Variants in PRKN observed in about 807,000 individuals in gnomAD.
PRKN encodes the protein parkin RBR E3 ubiquitin protein ligase, also known as E3 ubiquitin-protein ligase parkin.
PRKN carries 56 observed loss-of-function variants against 59.5 expected under a neutral mutation model. The ratio of observed to expected loss-of-function variants is 0.94; its 90% CI spans 0.76 to 1.18. The LOEUF is 1.18. Among genes scored for constraint, PRKN ranks in the 50% most tolerant of loss-of-function variants. The pLI is 0.00. For missense variants in PRKN, 657 were observed against 596.4 expected (o/e 1.10, Z -1.06); for synonymous variants, 250 against 222.1 (o/e 1.13, Z -1.12).
intron 4 of PRKN, among the ~76,000 whole-genome samples, chr6:162,181,910 T>G (rs1783819020): frequency 6.6e-6 from 1 of 152,148 alleles, no homozygotes; most frequent in African/African-American, 2.4e-5. Flanking sequence ...GAAGAGGAAC[T>G]TGGTTACCTT....
chr6:161,804,107 T>C (rs1480553413), intron 6 of PRKN, among the ~76,000 whole-genome samples: 1 of 152,186 alleles, frequency 6.6e-6, no homozygotes, highest in Non-Finnish European at 1.5e-5. Context: ...CAGGTTTCAA[T>C]GTCAATGAAG....
At chr6:162,547,698 A>G (rs2128202360) in intron 1 of PRKN, among the ~76,000 whole-genome samples, 1 of 152,224 alleles carries the variant, frequency 6.6e-6, no homozygotes, top group South Asian at 2.1e-4. Context: ...CTCCTGCCTC[A>G]GCCTCCCAAG....
chr6:162,595,147 CT>C (rs1431359230), intron 1 of PRKN, among the ~76,000 whole-genome samples: 5 of 152,162 alleles, frequency 3.3e-5, no homozygotes, highest in African/African-American at 9.7e-5. Context: ...GCACTCCAGC[CT>C]GGGTAACAGA....
chr6:161,412,869 C>T (rs1787652871), intron 9 of PRKN, among the ~76,000 whole-genome samples: 1 of 151,990 alleles, frequency 6.6e-6, no homozygotes, highest in African/African-American at 2.4e-5. Flanking sequence ...TTTCCTCACT[C>T]ATTCCTCCAC....
chr6:162,278,646 T>C (rs1432873370), intron 2 of PRKN, among the ~76,000 whole-genome samples: 1 of 152,042 alleles, frequency 6.6e-6, no homozygotes, highest in Non-Finnish European at 1.5e-5. Flanking sequence ...TTGGGAACAA[T>C]TGGGAGGATC....
intron 6 of PRKN, among the ~76,000 whole-genome samples, chr6:161,940,002 A>G (rs1049002933): frequency 2.0e-5 from 3 of 151,894 alleles, no homozygotes; most frequent in Non-Finnish European, 4.4e-5. Flanking sequence ...GGGTTCAAAC[A>G]ATTCTCTGCC....
chr6:162,562,046 C>G (rs1158941996), intron 1 of PRKN, among the ~76,000 whole-genome samples: 2 of 152,096 alleles, frequency 1.3e-5, no homozygotes, highest in Non-Finnish European at 2.9e-5. Flanking sequence ...CTTCCTTCCA[C>G]TTGAGGAGAG....
intron 6 of PRKN, among the ~76,000 whole-genome samples, chr6:161,807,930 A>G (rs1206858430): frequency 6.6e-6 from 1 of 151,950 alleles, no homozygotes; most frequent in African/African-American, 2.4e-5. Context: ...AGGTACACAC[A>G]CCCTCCACAA....
chr6:162,027,639 G>T (rs1484099885), intron 5 of PRKN, among the ~76,000 whole-genome samples: 2 of 152,068 alleles, frequency 1.3e-5, no homozygotes, highest in Non-Finnish European at 2.9e-5. Flanking sequence ...GCCCAAATTT[G>T]TGTTTCCAGA....
intron 1 of PRKN, among the ~76,000 whole-genome samples, chr6:162,472,645 GC>G (rs1237686894): frequency 2.4e-5 from 3 of 124,966 alleles, no homozygotes; most frequent in African/African-American, 8.6e-5. Context: ...CCGCCACCAC[GC>G]CCGGCTAATT....
intron 4 of PRKN, among the ~76,000 whole-genome samples, chr6:162,106,801 G>A (rs1278120808): frequency 1.3e-5 from 2 of 152,156 alleles, no homozygotes; most frequent in African/African-American, 4.8e-5. Context: ...CATTTCCTGT[G>A]TTACTCAGGA....
chr6:162,352,407 T>A (rs1784661673), intron 2 of PRKN, among the ~76,000 whole-genome samples: 1 of 152,182 alleles, frequency 6.6e-6, no homozygotes, highest in Non-Finnish European at 1.5e-5. Context: ...GAACCATTTA[T>A]CTTTTATAGA....
intron 2 of PRKN, among the ~76,000 whole-genome samples, chr6:162,264,028 C>G (rs1003858740): frequency 6.6e-6 from 1 of 152,124 alleles, no homozygotes; most frequent in Non-Finnish European, 1.5e-5. Flanking sequence ...AATCCCAGCA[C>G]TTTGGGAGGC....
intron 7 of PRKN, among the ~76,000 whole-genome samples, chr6:161,636,157 G>A (rs1783511948): frequency 6.6e-6 from 1 of 152,246 alleles, no homozygotes; most frequent in Non-Finnish European, 1.5e-5. Flanking sequence ...GCACTGTGCT[G>A]GGCATGTGAT....
At chr6:161,515,031 C>T (rs183511793) in intron 9 of PRKN, among the ~76,000 whole-genome samples, 11 of 152,238 alleles carry the variant, frequency 7.2e-5, no homozygotes, top group African/African-American at 1.7e-4. Flanking sequence ...TGCATAAAAG[C>T]GACTCTATAC....
chr6:162,462,157 A>C (rs1395572647), intron 1 of PRKN, among the ~76,000 whole-genome samples: 3 of 152,196 alleles, frequency 2.0e-5, no homozygotes, highest in African/African-American at 7.2e-5. Flanking sequence ...TCTATTTTAC[A>C]AAAGGACAAC....
intron 1 of PRKN, among the ~76,000 whole-genome samples, chr6:162,557,707 A>C (rs1436197624): frequency 6.6e-6 from 1 of 152,102 alleles, no homozygotes; most frequent in Non-Finnish European, 1.5e-5. Context: ...ATGAGGTTTC[A>C]CCATGTTGGC....
At chr6:162,653,716 C>T (rs1267636828) in intron 1 of PRKN, among the ~76,000 whole-genome samples, 2 of 152,124 alleles carry the variant, frequency 1.3e-5, no homozygotes, top group Non-Finnish European at 2.9e-5. Context: ...CACAGTGCTA[C>T]TGTGAGAATA....
intron 1 of PRKN, among the ~76,000 whole-genome samples, chr6:162,504,968 G>A (rs1384204403): frequency 2.0e-5 from 3 of 152,142 alleles, no homozygotes; most frequent in East Asian, 3.9e-4. Flanking sequence ...ATCAGGGAAC[G>A]CTGAGGAACA....
Sources: allele counts gnomAD v4.1 joint callset (sites outside exome capture counted in the v4.1 genomes callset), GRCh38; gene constraint gnomAD v4.1.1; transcripts MANE v1.5; gene names NCBI Gene and HGNC (gene_info 2026-07-23, HGNC 2026-07-21).